FBLIM1: variants seen among roughly 807,000 people sequenced by gnomAD.
The protein encoded by FBLIM1 is filamin binding LIM protein 1.
A neutral mutation model predicts 37.4 loss-of-function variants in FBLIM1; 29 were observed. The ratio of observed to expected loss-of-function variants is 0.77; its 90% CI spans 0.58 to 1.06. The LOEUF (loss-of-function observed/expected upper bound fraction) is 1.06. FBLIM1 is among the 50% of genes least tolerant of loss of function. The probability of loss-of-function intolerance (pLI) is 0.00; values close to 1 mark genes in which losing one functional copy is unlikely to be tolerated. For missense variants in FBLIM1, 449 were observed against 505.6 expected (o/e 0.89, Z 1.07); for synonymous variants, 193 against 199.0 (o/e 0.97, Z 0.25).
upstream of FBLIM1, chr1:15,758,720 G>T: frequency 6.6e-6 from 1 of 152,290 alleles, no homozygotes; most frequent in South Asian, 1.9e-4. The surrounding 1 kb of genome is among the most constrained non-coding windows in gnomAD (Gnocchi z 6.2). Flanking sequence ...AAAGCGGCGC[G>T]GGGCGGCGGG....
At chr1:15,780,963 A>G (rs1243205763) in intron 8 of FBLIM1, among the ~76,000 whole-genome samples, 2 of 152,086 alleles carry the variant, frequency 1.3e-5, no homozygotes, top group Non-Finnish European at 2.9e-5. Flanking sequence ...AGTGACTGGC[A>G]CCTTCCTGAG....
chr1:15,781,812 G>A (rs529963255), intron 8 of FBLIM1, among the ~76,000 whole-genome samples: 6 of 141,078 alleles, frequency 4.3e-5, no homozygotes, highest in Admixed American at 1.6e-4. Flanking sequence ...TGCACCTCCC[G>A]GGTTCACGCC....
intron 1 of FBLIM1, among the ~76,000 whole-genome samples, chr1:15,763,783 G>A (rs1452248904): frequency 6.6e-6 from 1 of 151,794 alleles, no homozygotes; most frequent in African/African-American, 2.4e-5. Flanking sequence ...GGGATTACAG[G>A]TGCCCACCAC....
In FBLIM1 at chr1:15,765,940, C is replaced by T. The variant is rs1024552470; in HGVS notation, c.250+707C>T. Among the ~76,000 whole-genome samples the T allele has an allele frequency of 3.3e-5, 5 of 152,178 alleles. No homozygotes were observed. Among genetic ancestry groups the T allele is most frequent in the African/African-American group, 9.6e-5 (4 of 41,454 alleles). On this transcript the variant is annotated intron_variant, in intron 3 of 8. Coordinates refer to ENST00000375766, the MANE Select transcript of FBLIM1 (RefSeq NM_017556.4). The surrounding 1 kb of genome is among the most constrained non-coding windows in gnomAD (Gnocchi z 5.9). ...CCTCTCCAAGACCTGGTTCCTGACT[C>T]CGTGAGCTCATCGGAGCCTCTTTCT...
At chr1:15,777,110 T>C (rs1165836026) in intron 7 of FBLIM1, 60 bp from the exon 8 acceptor site, 27 of 1,378,004 alleles carry the variant, frequency 2.0e-5, no homozygotes, top group Non-Finnish European at 2.4e-5. Flanking sequence ...TTCTGACAGC[T>C]AATTAATTTC....
rs181949257 is a variant in FBLIM1, at chr1:15,771,305, C to T, written c.711+727C>T. 2.6e-3 allele frequency among the ~76,000 whole-genome samples: 390 copies of T among 149,032 alleles called. 4 individuals carry two copies. The highest frequency in any genetic ancestry group is 3.7e-3 in the Non-Finnish European group (251 of 67,600). The stretch of plus-strand genomic sequence containing the variant: ...TCTGTCACCCCAGCTGGAGTGCAGT[C>T]GTACAATCTCAGATCACTGCAACCT... On this transcript the variant is annotated intron_variant, in intron 6 of 8. Transcript: ENST00000375766.
intron 4 of FBLIM1, 75 bp from the exon 5 acceptor site, chr1:15,768,453 C>A: frequency 9.7e-7 from 1 of 1,029,392 alleles, no homozygotes; most frequent in East Asian, 2.8e-5. Flanking sequence ...GTACCTGTTA[C>A]CACCCAGATG....
At chr1:15,782,434 A>G (rs2069667957) in intron 8 of FBLIM1, among the ~76,000 whole-genome samples, 1 of 151,472 alleles carries the variant, frequency 6.6e-6, no homozygotes, top group African/African-American at 2.4e-5. Context: ...AGGATGGGAA[A>G]CAGGCAAACA....
intron 7 of FBLIM1, 87 bp downstream of exon 7, chr1:15,774,883 G>T: frequency 6.2e-7 from 1 of 1,611,632 alleles, no homozygotes; most frequent in Non-Finnish European, 8.5e-7. Flanking sequence ...AGTCCTGGGT[G>T]CTGGGCCAGA....
intron 8 of FBLIM1, 132 bp downstream of exon 8, chr1:15,777,419 C>A: frequency 1.7e-6 from 1 of 592,382 alleles, no homozygotes; most frequent in Non-Finnish European, 3.0e-6. Flanking sequence ...GTAGGAGAAA[C>A]AAAAGATACT....
Position 15,765,308 on chromosome 1 carries a change from A to T in FBLIM1, c.250+75A>T. ...GGAGGAAAGGGCAGGCTCCAGCGTC[A>T]TTCATTCATTCATTATTCATCCTGA... is the stretch of plus-strand genomic sequence containing the variant. On this transcript the variant is annotated intron_variant, in intron 3 of 8. Coordinates refer to ENST00000375766, the MANE Select transcript of FBLIM1 (RefSeq NM_017556.4). The surrounding 1 kb of genome is among the most constrained non-coding windows in gnomAD (Gnocchi z 5.9). 6.8e-7 allele frequency: 1 copy of T among 1,463,368 alleles called. No homozygotes were observed. Among genetic ancestry groups the T allele is most frequent in the Non-Finnish European group, 9.2e-7 (1 of 1,090,520 alleles). The allele number at this position is 1,463,368 out of a possible 1,614,324, so 90.6% of individuals were successfully genotyped here. A position where few individuals can be genotyped will look rare whatever the true frequency, so the allele number is the denominator to read the frequency against.
intron 5 of FBLIM1, among the ~76,000 whole-genome samples, chr1:15,769,776 C>T (rs2069110917): frequency 6.6e-6 from 1 of 151,866 alleles, no homozygotes; most frequent in Non-Finnish European, 1.5e-5. Context: ...ACTGGGACTA[C>T]AGGCGCCCGC....
chr1:15,780,100 A>G (rs1257219432), intron 8 of FBLIM1, among the ~76,000 whole-genome samples: 1 of 151,890 alleles, frequency 6.6e-6, no homozygotes, highest in East Asian at 1.9e-4. Flanking sequence ...AAATTTGCCC[A>G]GGCTGGTCTT....
At chr1:15,768,475 T>G in intron 4 of FBLIM1, 53 bp from the exon 5 acceptor site, 1 of 1,273,576 alleles carries the variant, frequency 7.9e-7, no homozygotes, top group East Asian at 2.7e-5. Flanking sequence ...GGAACAGAGC[T>G]GGGAGGGCTG....
chr1:15,776,266 A>G (rs1458599040), intron 7 of FBLIM1, among the ~76,000 whole-genome samples: 1 of 152,126 alleles, frequency 6.6e-6, no homozygotes, highest in Non-Finnish European at 1.5e-5. Flanking sequence ...CAAACAAAAC[A>G]AAACAAAAAA....
At chr1:15,762,332 C>T (rs796658658) in intron 1 of FBLIM1, among the ~76,000 whole-genome samples, 49 of 147,810 alleles carry the variant, frequency 3.3e-4, no homozygotes, top group African/African-American at 8.3e-4. Context: ...GGTGCAATCT[C>T]GGCTTACTGC....
chr1:15,760,531 GAAAAAAAAA>G (rs34356141), intron 1 of FBLIM1, among the ~76,000 whole-genome samples: 1 of 97,642 alleles, frequency 1.0e-5, no homozygotes, highest in Non-Finnish European at 2.0e-5. Context: ...TTCTGTCTCA[GAAAAAAAAA>G]AAAAAAAAAA....
At chr1:15,782,918 C>T (rs1051889643) in intron 8 of FBLIM1, among the ~76,000 whole-genome samples, 3 of 151,484 alleles carry the variant, frequency 2.0e-5, no homozygotes, top group Non-Finnish European at 4.4e-5. Flanking sequence ...GTCTCAGCCT[C>T]ATGAGTAGCT....
At chr1:15,767,085 G>T (rs1228739710) in intron 3 of FBLIM1, among the ~76,000 whole-genome samples, 2 of 151,726 alleles carry the variant, frequency 1.3e-5, no homozygotes, top group Admixed American at 6.6e-5. Flanking sequence ...TAGAGTTGAG[G>T]TCTCACTATG....
Sources: gnomAD v4.1 joint callset for allele counts (sites outside exome capture counted in the v4.1 genomes callset) on GRCh38, gnomAD v4.1.1 for gene constraint, Gnocchi (gnomAD v3.1) non-coding constraint, MANE v1.5 for transcripts, NCBI Gene and HGNC (gene_info 2026-07-23, HGNC 2026-07-21) for gene names.